The following PTPRD variants were observed in gnomAD, a reference collection of about 807,000 sequenced individuals.
The protein encoded by PTPRD is receptor-type tyrosine-protein phosphatase delta.
In PTPRD, 34 loss-of-function variants were observed where a neutral mutation model predicts 214.5. That is an observed-to-expected ratio of 0.16 (90% CI 0.12 to 0.21). The LOEUF is 0.21. PTPRD is among the 10% of genes least tolerant of loss of function. The probability of loss-of-function intolerance (pLI) is 1.00; values close to 1 mark genes in which losing one functional copy is unlikely to be tolerated. For missense variants in PTPRD, 2,545 were observed against 2,398.7 expected, an observed-to-expected ratio of 1.06 and a Z score of -1.27; for synonymous variants, 1,128 against 845.7, an observed-to-expected ratio of 1.33 and a Z score of -5.79.
intron 9 of PTPRD, among the ~76,000 whole-genome samples, chr9:9,325,042 T>G (rs1284944170): frequency 6.6e-6 from 1 of 152,208 alleles, no homozygotes; most frequent in Non-Finnish European, 1.5e-5. Context: ...TTCTGTTCCA[T>G]TGATCTATAT....
intron 30 of PTPRD, among the ~76,000 whole-genome samples, chr9:8,480,502 G>C (rs770019367): frequency 1.3e-5 from 2 of 152,176 alleles, no homozygotes; most frequent in South Asian, 2.1e-4. Context: ...AGAACAATGA[G>C]AAAGGACACA....
chr9:8,532,295 T>C (rs1329776285), intron 14 of PTPRD, among the ~76,000 whole-genome samples: 1 of 152,082 alleles, frequency 6.6e-6, no homozygotes, highest in East Asian at 1.9e-4. Context: ...TAATGAAATT[T>C]CTAATTGGAA....
At chr9:9,832,706 C>A (rs1253422577) in intron 5 of PTPRD, among the ~76,000 whole-genome samples, 1 of 151,950 alleles carries the variant, frequency 6.6e-6, no homozygotes, top group Non-Finnish European at 1.5e-5. Flanking sequence ...GACATAGACA[C>A]TTTCCTATCA....
chr9:9,476,916 G>A (rs761863709), intron 8 of PTPRD, among the ~76,000 whole-genome samples: 43 of 151,884 alleles, frequency 2.8e-4, no homozygotes, highest in Non-Finnish European at 5.9e-4. Flanking sequence ...TGTATTTTCA[G>A]TAGGGACGGG....
At position 8,521,425 on chromosome 9, in the gene PTPRD, C is replaced by T. The variant is rs377630306; in HGVS notation, c.813G>A (p.Leu271=). 1.2e-6 allele frequency: 2 copies of T among 1,613,908 alleles called. No individual in the cohort carries two copies. Among genetic ancestry groups the T allele is most frequent in the African/African-American group, 2.7e-5 (2 of 74,920 alleles). The change falls in exon 20 of 46, where the codon TTG becomes TTA. Residue 271 remains leucine (L), a synonymous_variant. Coordinates refer to ENST00000381196, the MANE Select transcript of PTPRD (RefSeq NM_002839.4). ...GSPMPYVKWM[L]GAEDLTPEDD... is the part of the protein sequence containing the mutation. ...CTTCAGGTGTCAGATCTTCTGCCCC[C>T]AACATCCACTTTACATAAGGCATTG...
intron 2 of PTPRD, among the ~76,000 whole-genome samples, chr9:10,383,605 C>A (rs927569074): frequency 1.3e-5 from 2 of 151,742 alleles, no homozygotes; most frequent in African/African-American, 4.8e-5. Flanking sequence ...AAATGGATGA[C>A]ACCTTATCAG....
At chr9:8,694,339 G>C (rs866570283) in intron 12 of PTPRD, among the ~76,000 whole-genome samples, 1 of 151,914 alleles carries the variant, frequency 6.6e-6, no homozygotes, top group Non-Finnish European at 1.5e-5. Context: ...AGAATCCATA[G>C]AGGTATCCAA....
chr9:8,843,763 G>C (rs2097621076), intron 11 of PTPRD, among the ~76,000 whole-genome samples: 1 of 152,094 alleles, frequency 6.6e-6, no homozygotes, highest in Non-Finnish European at 1.5e-5. Context: ...CCCTCAAAGA[G>C]CAAGCAAAGG....
intron 5 of PTPRD, among the ~76,000 whole-genome samples, chr9:9,884,576 T>C (rs1600856453): frequency 6.6e-6 from 1 of 152,118 alleles, no homozygotes; most frequent in South Asian, 2.1e-4. Flanking sequence ...AAGACACTAT[T>C]TGTAGAAGTC....
At chr9:8,852,068 AAAAG>A (rs2097827808) in intron 11 of PTPRD, among the ~76,000 whole-genome samples, 1 of 152,210 alleles carries the variant, frequency 6.6e-6, no homozygotes, top group Non-Finnish European at 1.5e-5. Context: ...TTTAAAAAAA[AAAAG>A]ATGTCTCTTG....
At position 9,840,761 on chromosome 9, in the gene PTPRD, CAAAAAAAAAAAAAAAAAA is replaced by C. The variant is rs59780411; in HGVS notation, c.-367-73928_-367-73911del. Among the ~76,000 whole-genome samples the C allele has an allele frequency of 2.1e-3, 129 of 61,614 alleles. 3 individuals carry two copies. The highest frequency in any genetic ancestry group is 8.2e-3 in the African/African-American group (111 of 13,456). The allele number at this position is 61,614 out of a possible 152,430, so 40.4% of individuals were successfully genotyped here. On this transcript the variant is annotated intron_variant, in intron 5 of 45. Coordinates refer to ENST00000381196, the MANE Select transcript of PTPRD (RefSeq NM_002839.4). Reference sequence around the variant, plus strand: ...CTGGCGACAGAGCAAGACTCCGTTTCAAAAAAAAAAAAAAAAAAAAAAAAAAAAAAAAAAAAAACAGAA... The same window carrying C: ...CTGGCGACAGAGCAAGACTCCGTTTCAAAAAAAAAAAAAAAAAAAACAGAA...
At chr9:9,562,517 G>A (rs2083244382) in intron 8 of PTPRD, among the ~76,000 whole-genome samples, 1 of 152,046 alleles carries the variant, frequency 6.6e-6, no homozygotes, top group African/African-American at 2.4e-5. Flanking sequence ...AGCTCTACCT[G>A]ACCTGCCTTC....
intron 10 of PTPRD, among the ~76,000 whole-genome samples, chr9:9,113,580 C>T (rs2154455277): frequency 6.6e-6 from 1 of 152,204 alleles, no homozygotes; most frequent in South Asian, 2.1e-4. Flanking sequence ...GAAGTGGTGA[C>T]ATCTAGAACT....
chr9:9,356,793 C>T (rs969033605), intron 9 of PTPRD, among the ~76,000 whole-genome samples: 2 of 151,288 alleles, frequency 1.3e-5, no homozygotes, highest in African/African-American at 4.8e-5. Context: ...AAAAGAAATA[C>T]ATTCTGTTGA....
At chr9:10,157,365 G>T (rs942418564) in intron 3 of PTPRD, among the ~76,000 whole-genome samples, 5 of 152,116 alleles carry the variant, frequency 3.3e-5, no homozygotes. Context: ...GTCTAAAAGG[G>T]ATCTTATTTC....
At position 9,823,343 on chromosome 9, in the gene PTPRD, G is replaced by A. The variant is rs779754936; in HGVS notation, c.-367-56492C>T. Among the ~76,000 whole-genome samples, 41 of 152,042 alleles carry A rather than the reference G, an allele frequency of 2.7e-4. 1 individual carries two copies. Among genetic ancestry groups the A allele is most frequent in the South Asian group, 6.2e-4 (3 of 4,820 alleles). Reference sequence around the variant, plus strand: ...GGAGCAAGAGAGAAAGAGTGAGGGCGGAGATGACACGTACTTTTAAATGAC... The same window carrying A: ...GGAGCAAGAGAGAAAGAGTGAGGGCAGAGATGACACGTACTTTTAAATGAC... On this transcript the variant is annotated intron_variant, in intron 5 of 45. Coordinates refer to ENST00000381196, the MANE Select transcript of PTPRD (RefSeq NM_002839.4).
chr9:10,035,228 G>T (rs1412730364), intron 3 of PTPRD, among the ~76,000 whole-genome samples: 1 of 151,966 alleles, frequency 6.6e-6, no homozygotes, highest in Non-Finnish European at 1.5e-5. Flanking sequence ...CAATATGGTT[G>T]TTGGCCGCAT....
intron 5 of PTPRD, among the ~76,000 whole-genome samples, chr9:9,780,074 G>A (rs2147068): frequency 0.041 from 6,206 of 152,262 alleles, 599 homozygotes; most frequent in East Asian, 0.39. Flanking sequence ...GGAATAATAT[G>A]CAGCCATTAA....
At chr9:9,969,671 C>A (rs114464789) in intron 4 of PTPRD, among the ~76,000 whole-genome samples, 38 of 152,140 alleles carry the variant, frequency 2.5e-4, no homozygotes, top group Non-Finnish European at 4.7e-4. Context: ...TTGGGGCTGC[C>A]GCTTCTACTG....
Sources: allele counts gnomAD v4.1 joint callset (sites outside exome capture counted in the v4.1 genomes callset), GRCh38; gene constraint gnomAD v4.1.1; transcripts MANE v1.5; gene names NCBI Gene and HGNC (gene_info 2026-07-23, HGNC 2026-07-21).